KAZN: variants seen among roughly 807,000 people sequenced by gnomAD.
KAZN encodes kazrin.
KAZN carries 40 observed loss-of-function variants against 87.4 expected under a neutral mutation model. That is an observed-to-expected ratio of 0.46 (90% confidence interval 0.36 to 0.60). The LOEUF (loss-of-function observed/expected upper bound fraction) is 0.60, where lower values mean the gene tolerates loss of function less well. KAZN is among the 20% of genes least tolerant of loss of function. The pLI is 0.00. For synonymous variants in KAZN, 466 were observed against 458.3 expected, an observed-to-expected ratio of 1.02 and a Z score of -0.22; for missense variants, 898 against 1,073.9, an observed-to-expected ratio of 0.84 and a Z score of 2.29.
At chr1:13,947,627 C>G (rs186324308) in intron 1 of KAZN, among the ~76,000 whole-genome samples, 135 of 152,298 alleles carry the variant, frequency 8.9e-4, no homozygotes, top group Middle Eastern at 3.4e-3. Context: ...CCCTGGCTGC[C>G]GTAACAAATA....
chr1:14,354,798 TC>T (rs995510126), intron 2 of KAZN, among the ~76,000 whole-genome samples: 68 of 152,252 alleles, frequency 4.5e-4, no homozygotes, highest in African/African-American at 1.5e-3. Flanking sequence ...ACTAGCATGT[TC>T]TTAAAATGTT....
intron 2 of KAZN, among the ~76,000 whole-genome samples, chr1:15,001,632 C>T (rs558674928): frequency 6.6e-6 from 1 of 152,232 alleles, no homozygotes; most frequent in East Asian, 1.9e-4. Context: ...ATGAAGCCAC[C>T]CTTGTTTTGT....
intron 2 of KAZN, among the ~76,000 whole-genome samples, chr1:14,315,206 A>G (rs1245208538): frequency 6.6e-6 from 1 of 152,136 alleles, no homozygotes; most frequent in African/African-American, 2.4e-5. Flanking sequence ...CCAAAACCAC[A>G]GAAGAAATGT....
intron 2 of KAZN, among the ~76,000 whole-genome samples, chr1:15,025,224 C>G (rs112597743): frequency 0.015 from 2,312 of 152,274 alleles, 55 homozygotes; most frequent in African/African-American, 0.052. Context: ...CTTCACTTAC[C>G]TTTGGCCCAG....
intron 1 of KAZN, among the ~76,000 whole-genome samples, chr1:13,900,203 C>G (rs1168877717): frequency 6.6e-6 from 1 of 152,138 alleles, no homozygotes; most frequent in Non-Finnish European, 1.5e-5. Context: ...ACAACTTATT[C>G]CAATAGTCCC....
intron 2 of KAZN, among the ~76,000 whole-genome samples, 165 bp downstream of exon 2, chr1:14,961,040 G>C (rs1663798587): frequency 6.6e-6 from 1 of 152,228 alleles, no homozygotes; most frequent in African/African-American, 2.4e-5. Flanking sequence ...TCTGCATCTT[G>C]TGGGCTGGGT....
chr1:15,097,749 C>T (rs148375600), intron 10 of KAZN, among the ~76,000 whole-genome samples: 34 of 152,014 alleles, frequency 2.2e-4, no homozygotes, highest in Non-Finnish European at 4.7e-4. Context: ...ACCCAGGAGG[C>T]GGAGGTTGCA....
Position 14,764,505 on chromosome 1 carries a change from C to T in KAZN, c.226+165282C>T, listed in dbSNP as rs551810372. Among the ~76,000 whole-genome samples the T allele has an allele frequency of 7.2e-5, 11 of 151,952 alleles. No individual in the cohort carries two copies. In the South Asian group the frequency reaches 8.3e-4, roughly 11 times the overall value. ...TGTTATCCGCCGCCCCTCTGCCCCC[C>T]CATAGAACGTAAGCTTTTTAACAAG... On this transcript the variant is annotated intron_variant, in intron 1 of 14. Transcript: ENST00000376030.
At chr1:14,569,878 C>T (rs1352237303) in intron 2 of KAZN, among the ~76,000 whole-genome samples, 2 of 151,146 alleles carry the variant, frequency 1.3e-5, no homozygotes, top group Non-Finnish European at 1.5e-5. Context: ...TTTGGGAGGC[C>T]GAGGTGGGTG....
At chr1:14,534,885 T>C (rs966306194) in intron 2 of KAZN, among the ~76,000 whole-genome samples, 33 of 152,156 alleles carry the variant, frequency 2.2e-4, no homozygotes, top group Middle Eastern at 6.3e-3. Flanking sequence ...CCTCTGAGCC[T>C]GGCAGAGCCA....
intron 1 of KAZN, among the ~76,000 whole-genome samples, chr1:14,941,659 A>C (rs1661096339): frequency 6.6e-6 from 1 of 152,140 alleles, no homozygotes; most frequent in African/African-American, 2.4e-5. Flanking sequence ...GAAGATGTAT[A>C]GCTTTCTCCA....
intron 1 of KAZN, among the ~76,000 whole-genome samples, chr1:14,061,366 G>A (rs1016134071): frequency 2.0e-5 from 3 of 152,150 alleles, no homozygotes; most frequent in Non-Finnish European, 4.4e-5. Flanking sequence ...TGGGAAAAGG[G>A]TCAGAGAAGA....
rs532912245 is a variant in KAZN at position 14,132,126 on chromosome 1, C to T, written c.92-48309C>T. Among the ~76,000 whole-genome samples the T allele has an allele frequency of 3.0e-4, 45 of 152,234 alleles. 1 individual carries two copies. The highest frequency in any genetic ancestry group is 1.5e-3 in the South Asian group (7 of 4,824). ...ATGAACAAATGAGGCTCAGCCCTAC[C>T]GGGGTCCCTCAGAAATTGTGTAGAA... On this transcript the variant is annotated intron_variant, in intron 1 of 16. Coordinates refer to the KAZN transcript ENST00000636203.
At chr1:14,118,367 C>T (rs1328013673) in intron 1 of KAZN, among the ~76,000 whole-genome samples, 5 of 152,154 alleles carry the variant, frequency 3.3e-5, no homozygotes, top group African/African-American at 4.8e-5. Flanking sequence ...TTCATTCTTC[C>T]CCCATCCCCT....
chr1:14,349,414 T>G (rs550175187), intron 2 of KAZN: 1 of 152,324 alleles, frequency 6.6e-6, no homozygotes, highest in South Asian at 2.1e-4. Flanking sequence ...TCACACATAT[T>G]ATTCCACATT....
In KAZN at chr1:14,737,519, A is replaced by G. The variant is rs1643943700; in HGVS notation, c.226+138296A>G. 2.0e-5 allele frequency among the ~76,000 whole-genome samples: 3 copies of G among 152,196 alleles called. No individual in the cohort carries two copies. In the South Asian group the frequency reaches 6.2e-4, roughly 31 times the overall value. ...CAGTCACTTTGTGCATCTGTTATCA[A>G]CTGCTGTGTAACCAGTTACTGCACA... On this transcript the variant is annotated intron_variant, in intron 1 of 14. Transcript: ENST00000376030.
intron 2 of KAZN, among the ~76,000 whole-genome samples, chr1:14,266,435 C>T (rs149325218): frequency 3.8e-4 from 58 of 152,310 alleles, no homozygotes; most frequent in African/African-American, 1.1e-3. Flanking sequence ...TTTTACCACA[C>T]GCTAATTGAT....
chr1:14,381,111 A>G (rs969751291), intron 2 of KAZN, among the ~76,000 whole-genome samples: 7 of 152,160 alleles, frequency 4.6e-5, no homozygotes, highest in African/African-American at 1.7e-4. Context: ...CCACTGGAGC[A>G]CCCAGGTATG....
chr1:15,064,156 G>A (rs1299669153), intron 7 of KAZN, among the ~76,000 whole-genome samples: 1 of 152,216 alleles, frequency 6.6e-6, no homozygotes, highest in Non-Finnish European at 1.5e-5. Context: ...TCAATATTCT[G>A]TCATCAGAGT....
Sources: allele counts gnomAD v4.1 joint callset (sites outside exome capture counted in the v4.1 genomes callset), GRCh38; gene constraint gnomAD v4.1.1; transcripts MANE v1.5; gene names NCBI Gene and HGNC (gene_info 2026-07-23, HGNC 2026-07-21).